The following FBXL20 variants were observed in gnomAD, a reference collection of about 807,000 sequenced individuals.
The protein encoded by FBXL20 is F-box/LRR-repeat protein 20.
Under a neutral mutation model 64.0 loss-of-function variants are expected in FBXL20, and 11 were observed. The ratio of observed to expected loss-of-function variants is 0.17; its 90% CI spans 0.11 to 0.28. FBXL20 has a LOEUF of 0.28. FBXL20 is among the 10% of genes least tolerant of loss of function. The pLI, the probability that FBXL20 is intolerant of heterozygous loss-of-function variation, is 1.00. For missense variants in FBXL20, 303 were observed against 526.2 expected (o/e 0.58, Z 4.15); for synonymous variants, 184 against 189.0 (o/e 0.97, Z 0.22).
chr17:39,373,496 T>C (rs2047937725), intron 1 of FBXL20, among the ~76,000 whole-genome samples: 1 of 152,208 alleles, frequency 6.6e-6, no homozygotes, highest in South Asian at 2.1e-4. Flanking sequence ...AAACCAGATC[T>C]TCCAACCTGG....
intron 1 of FBXL20, among the ~76,000 whole-genome samples, chr17:39,363,827 C>CAAAAA (rs1555612706): frequency 3.1e-4 from 24 of 78,000 alleles, no homozygotes; most frequent in African/African-American, 1.1e-3. Flanking sequence ...AAAAAAAAAA[C>CAAAAA]AAAAAACAAA....
chr17:39,303,967 C>T (rs1243472729), intron 2 of FBXL20, among the ~76,000 whole-genome samples: 1 of 152,112 alleles, frequency 6.6e-6, no homozygotes, highest in Non-Finnish European at 1.5e-5. Context: ...TGAACTATTG[C>T]ACCTGGTCAG....
At chr17:39,373,914 C>T (rs540539586) in intron 1 of FBXL20, among the ~76,000 whole-genome samples, 1 of 152,246 alleles carries the variant, frequency 6.6e-6, no homozygotes, top group South Asian at 2.1e-4. Context: ...ACAGACATCA[C>T]CACATTATCA....
chr17:39,394,806 G>A (rs1426105231), intron 1 of FBXL20, among the ~76,000 whole-genome samples: 11 of 151,818 alleles, frequency 7.2e-5, no homozygotes, highest in Admixed American at 4.6e-4. Context: ...TGATCCGCCC[G>A]TCTTGGCCTC....
At chr17:39,301,461 C>T (rs1220712969) in intron 3 of FBXL20, among the ~76,000 whole-genome samples, 1 of 152,142 alleles carries the variant, frequency 6.6e-6, no homozygotes. Context: ...GGCATGGTGG[C>T]TCACGTCTGT....
intron 4 of FBXL20, among the ~76,000 whole-genome samples, chr17:39,300,268 G>A (rs563932419): frequency 2.0e-5 from 3 of 151,998 alleles, no homozygotes; most frequent in South Asian, 2.1e-4. Flanking sequence ...CAGGTGATCC[G>A]CCCACCTTGG....
intron 2 of FBXL20, among the ~76,000 whole-genome samples, chr17:39,322,063 C>T (rs544544817): frequency 1.3e-5 from 2 of 149,872 alleles, no homozygotes; most frequent in East Asian, 2.0e-4. Context: ...ATGCCTAGGC[C>T]GAGCATGGTG....
chr17:39,385,973 T>A (rs2144665048), intron 1 of FBXL20, among the ~76,000 whole-genome samples: 1 of 136,152 alleles, frequency 7.3e-6, no homozygotes, highest in East Asian at 2.1e-4. Flanking sequence ...GAGGTTGCAG[T>A]CAGCCAAGAT....
chr17:39,270,398 G>A (rs1335325840), intron 11 of FBXL20, among the ~76,000 whole-genome samples: 1 of 152,022 alleles, frequency 6.6e-6, no homozygotes. Flanking sequence ...ACAAAACTTA[G>A]CTGGATGTGG....
chr17:39,343,157 A>T (rs780588086), intron 2 of FBXL20, 23 bp downstream of exon 2: 2 of 1,563,992 alleles, frequency 1.3e-6, no homozygotes, highest in Non-Finnish European at 1.7e-6. Context: ...AAAAAAACCC[A>T]TAAAATTAGC....
chr17:39,385,438 C>T (rs1270447756), intron 1 of FBXL20, among the ~76,000 whole-genome samples: 1 of 152,190 alleles, frequency 6.6e-6, no homozygotes, highest in Non-Finnish European at 1.5e-5. Context: ...ATTTTAACTT[C>T]CCTTCCCAGC....
chr17:39,364,273 C>T (rs1216506875), intron 1 of FBXL20, among the ~76,000 whole-genome samples: 2 of 152,096 alleles, frequency 1.3e-5, no homozygotes, highest in African/African-American at 2.4e-5. Flanking sequence ...GGTTTATTTT[C>T]CCACCCCTTG....
intron 4 of FBXL20, among the ~76,000 whole-genome samples, 178 bp from the exon 5 acceptor site, chr17:39,299,262 T>C (rs1331081860): frequency 6.6e-6 from 1 of 152,208 alleles, no homozygotes; most frequent in East Asian, 1.9e-4. Flanking sequence ...ATCATTTGCA[T>C]CATGCCTAAA....
chr17:39,351,762 TTCTTC>T (rs1276277844), intron 1 of FBXL20, among the ~76,000 whole-genome samples: 1 of 152,294 alleles, frequency 6.6e-6, no homozygotes, highest in East Asian at 1.9e-4. Context: ...AGCAACTAGA[TTCTTC>T]TCTTCTTATT....
intron 7 of FBXL20, among the ~76,000 whole-genome samples, chr17:39,284,961 CAG>C (rs2046976484): frequency 2.7e-5 from 4 of 150,728 alleles, no homozygotes; most frequent in South Asian, 2.1e-4. Flanking sequence ...TTTTTTGAGA[CAG>C]AGTCTCACTC....
chr17:39,363,820 A>C (rs537700589), intron 1 of FBXL20, among the ~76,000 whole-genome samples: 1,178 of 104,024 alleles, frequency 0.011, 51 homozygotes, highest in African/African-American at 0.045. Context: ...CAAAAAAAAA[A>C]AAAAAACAAA....
At chr17:39,372,335 A>G (rs910899964) in intron 1 of FBXL20, among the ~76,000 whole-genome samples, 4 of 151,582 alleles carry the variant, frequency 2.6e-5, no homozygotes, top group Non-Finnish European at 5.9e-5. Context: ...CCTGGCCAAC[A>G]AGGTGAAACC....
At chr17:39,359,198 C>T (rs1268735363) in intron 1 of FBXL20, among the ~76,000 whole-genome samples, 4 of 152,022 alleles carry the variant, frequency 2.6e-5, no homozygotes, top group Non-Finnish European at 5.9e-5. Context: ...AGCGTGGCGG[C>T]ACGCACTTGT....
intron 2 of FBXL20, among the ~76,000 whole-genome samples, chr17:39,308,244 C>T (rs1191644409): frequency 2.0e-5 from 3 of 151,486 alleles, no homozygotes; most frequent in Non-Finnish European, 2.9e-5. Context: ...TCCCAAAGTG[C>T]GGGCATTACA....
Sources: allele counts gnomAD v4.1 joint callset (sites outside exome capture counted in the v4.1 genomes callset), GRCh38; gene constraint gnomAD v4.1.1; transcripts MANE v1.5; gene names NCBI Gene and HGNC (gene_info 2026-07-23, HGNC 2026-07-21).